The following LRRFIP1 variants were observed in gnomAD, a reference collection of about 807,000 sequenced individuals.
The protein encoded by LRRFIP1 is LRR binding FLII interacting protein 1.
A neutral mutation model predicts 104.4 loss-of-function variants in LRRFIP1; 62 were observed. That is an observed-to-expected ratio of 0.59 (90% CI 0.48 to 0.73). The LOEUF (loss-of-function observed/expected upper bound fraction) is 0.73. Ranked by LOEUF, LRRFIP1 falls within the 30% of genes least tolerant of loss-of-function variation. LRRFIP1 has a pLI of 0.00. For synonymous variants in LRRFIP1, 300 were observed against 299.0 expected (o/e 1.00, Z -0.03); for missense variants, 796 against 824.5 (o/e 0.97, Z 0.42).
At chr2:237,672,617 A>G (rs747503684) in intron 1 of LRRFIP1, among the ~76,000 whole-genome samples, 5 of 152,232 alleles carry the variant, frequency 3.3e-5, no homozygotes, top group African/African-American at 1.2e-4. Context: ...TGTACTCCTC[A>G]ACACAAAGTT....
chr2:237,682,405 A>C (rs1192529320), intron 1 of LRRFIP1, among the ~76,000 whole-genome samples: 4 of 152,160 alleles, frequency 2.6e-5, no homozygotes, highest in African/African-American at 9.7e-5. Flanking sequence ...TTGAAATTAC[A>C]GGCTAGTGAA....
Position 237,749,294 on chromosome 2 carries a change from C to A in LRRFIP1, c.765C>A (p.Ile255=). 1 of 1,613,676 alleles carries A rather than the reference C, an allele frequency of 6.2e-7. No individual in the cohort carries two copies. The highest frequency in any genetic ancestry group is 8.5e-7 in the Non-Finnish European group (1 of 1,179,916). ...RRGSGDTSIS[I]DTEASIREIK... Reference sequence around the variant, plus strand: ...GCAGCGGAGACACCTCCATCTCCATCGACACCGAGGCATCCATCAGGGAAA... The same window carrying A: ...GCAGCGGAGACACCTCCATCTCCATAGACACCGAGGCATCCATCAGGGAAA... Residue 255 remains isoleucine (I), a synonymous_variant, in exon 13 of 24, where the codon ATC becomes ATA. Coordinates refer to ENST00000308482, the MANE Select transcript of LRRFIP1 (RefSeq NM_001137550.2).
At chr2:237,738,063 G>A (rs1461069370) in intron 10 of LRRFIP1, among the ~76,000 whole-genome samples, 1 of 152,194 alleles carries the variant, frequency 6.6e-6, no homozygotes, top group Non-Finnish European at 1.5e-5. Flanking sequence ...GCCCTGGTGA[G>A]GAAACAAACT....
At chr2:237,764,044 A>G (rs759303821) in intron 19 of LRRFIP1, 40 of 1,614,264 alleles carry the variant, frequency 2.5e-5, no homozygotes, top group Non-Finnish European at 3.4e-5. Context: ...TGTCGGCACC[A>G]GGAAGAGAGC....
chr2:237,738,459 T>A (rs988689535), intron 10 of LRRFIP1, among the ~76,000 whole-genome samples: 3 of 152,166 alleles, frequency 2.0e-5, no homozygotes, highest in Admixed American at 2.0e-4. Context: ...GCTGCGTGGG[T>A]CTCTCTTGAA....
chr2:237,694,368 G>A (rs1466165001), intron 1 of LRRFIP1, among the ~76,000 whole-genome samples: 1 of 152,112 alleles, frequency 6.6e-6, no homozygotes, highest in African/African-American at 2.4e-5. Flanking sequence ...CTGTATCAGA[G>A]TGAGACATGG....
chr2:237,668,410 A>C (rs2089830920), intron 1 of LRRFIP1, among the ~76,000 whole-genome samples: 1 of 152,104 alleles, frequency 6.6e-6, no homozygotes, highest in Non-Finnish European at 1.5e-5. Flanking sequence ...CCATCTTCAC[A>C]AAAGGAGAAA....
rs747636871 is a variant in LRRFIP1, at chr2:237,727,948, A to G, written c.444+13A>G. 3.5e-5 allele frequency: 56 copies of G among 1,586,676 alleles called. No homozygotes were observed. The highest frequency in any genetic ancestry group is 4.3e-5 in the Non-Finnish European group (50 of 1,165,482). ...AAGATCTGGCAGGGTTAGTATAGTA[A>G]ATTTGCATGGCTCAAAATTCAAATA... On this transcript the variant is annotated intron_variant, in intron 8 of 23. Coordinates refer to ENST00000308482, the MANE Select transcript of LRRFIP1 (RefSeq NM_001137550.2).
At position 237,685,993 on chromosome 2, in the gene LRRFIP1, C is replaced by T. The variant is rs904352639; in HGVS notation, c.97-22551C>T. Among the ~76,000 whole-genome samples the T allele has an allele frequency of 2.0e-5, 3 of 152,324 alleles. No homozygotes were observed. The East Asian group carries it at 5.8e-4, about 29-fold the overall frequency. ...TGACCTTGCTCTCTTCACTCTGTGGCTTCCAGGAGATGTCTCTATTTTCTG... is the reference window on the plus strand; with the variant it reads ...TGACCTTGCTCTCTTCACTCTGTGGTTTCCAGGAGATGTCTCTATTTTCTG... On this transcript the variant is annotated intron_variant, in intron 1 of 23. Transcript: ENST00000308482.
At chr2:237,749,397 A>G in intron 13 of LRRFIP1, 73 bp downstream of exon 13, 2 of 1,536,510 alleles carry the variant, frequency 1.3e-6, no homozygotes, top group Non-Finnish European at 1.7e-6. Flanking sequence ...TAAAAAAAAA[A>G]AAGTTAATTC....
intron 1 of LRRFIP1, among the ~76,000 whole-genome samples, chr2:237,656,062 T>C (rs1173739415): frequency 1.3e-5 from 2 of 152,226 alleles, no homozygotes; most frequent in East Asian, 3.8e-4. Context: ...CTGGAAACTA[T>C]AATTGGGGAA....
intron 2 of LRRFIP1, 61 bp downstream of exon 2, chr2:237,708,691 G>A (rs2093933353): frequency 6.6e-6 from 10 of 1,514,230 alleles, no homozygotes; most frequent in South Asian, 1.2e-5. Flanking sequence ...GGCCCAGGGT[G>A]CAAGTGCAGG....
chr2:237,659,716 C>CATCG (rs1559487572), intron 1 of LRRFIP1, among the ~76,000 whole-genome samples: 1 of 151,662 alleles, frequency 6.6e-6, no homozygotes, highest in Non-Finnish European at 1.5e-5. Flanking sequence ...GATCATTGCT[C>CATCG]ATCGCTGCCT....
chr2:237,779,501 C>T lies in LRRFIP1; in HGVS notation c.1892C>T (p.Ala631Val). Residue 631 changes from alanine to valine, a missense_variant, in exon 24 of 24, where the codon GCA (alanine) becomes GTA (valine). Transcript: ENST00000308482. The stretch of plus-strand genomic sequence containing the variant: ...GTGAAGCGTCTGGAAAAAATGAAAG[C>T]AAATCGGAGTGCACTCTTGTCCCAG... ...HLVKRLEKMK[A>V]NRSALLSQQ 1 of 1,613,656 alleles carries T rather than the reference C, an allele frequency of 6.2e-7. No individual in the cohort carries two copies. Among genetic ancestry groups the T allele is most frequent in the Non-Finnish European group, 8.5e-7 (1 of 1,179,646 alleles).
At chr2:237,644,830 A>C (rs942087108) in intron 1 of LRRFIP1, among the ~76,000 whole-genome samples, 3 of 152,208 alleles carry the variant, frequency 2.0e-5, no homozygotes, top group African/African-American at 7.2e-5. Context: ...AGTAGCTCTT[A>C]GGTATCTTGT....
At chr2:237,671,993 T>C (rs1170994409) in intron 1 of LRRFIP1, among the ~76,000 whole-genome samples, 1 of 151,802 alleles carries the variant, frequency 6.6e-6, no homozygotes, top group African/African-American at 2.4e-5. Context: ...CTTTTCCTTA[T>C]TTCCACTTCT....
chr2:237,687,813 G>A (rs2092484457), intron 1 of LRRFIP1, among the ~76,000 whole-genome samples: 1 of 152,206 alleles, frequency 6.6e-6, no homozygotes, highest in African/African-American at 2.4e-5. Flanking sequence ...GAGAGCCACT[G>A]TGTCCTCCCC....
intron 19 of LRRFIP1, chr2:237,764,017 C>A: frequency 6.2e-7 from 1 of 1,614,138 alleles, no homozygotes; most frequent in Non-Finnish European, 8.5e-7. Context: ...ACAGCAATAG[C>A]CTAGAGAACG....
chr2:237,683,136 A>G (rs2092011842), intron 1 of LRRFIP1, among the ~76,000 whole-genome samples: 2 of 152,228 alleles, frequency 1.3e-5, no homozygotes, highest in African/African-American at 4.8e-5. Context: ...CCTGCTCTTT[A>G]TCAATCCTAG....
Sources: gnomAD v4.1 joint callset for allele counts (sites outside exome capture counted in the v4.1 genomes callset) on GRCh38, gnomAD v4.1.1 for gene constraint, MANE v1.5 for transcripts, NCBI Gene and HGNC (gene_info 2026-07-23, HGNC 2026-07-21) for gene names.